Variants in CDH12 observed in about 807,000 individuals in gnomAD.
CDH12 encodes cadherin 12.
In CDH12, 41 loss-of-function variants were observed where a neutral mutation model predicts 74.1. That is an observed-to-expected ratio of 0.55 (90% CI 0.43 to 0.72). The LOEUF (loss-of-function observed/expected upper bound fraction) is 0.72, where lower values mean the gene tolerates loss of function less well. Among genes scored for constraint, CDH12 ranks in the 30% least tolerant of loss-of-function variants. The pLI is 0.00. For synonymous variants in CDH12, 399 were observed against 355.0 expected (o/e 1.12, Z -1.39); for missense variants, 945 against 977.2 (o/e 0.97, Z 0.44).
intron 6 of CDH12, among the ~76,000 whole-genome samples, chr5:21,932,686 G>A (rs1227412639): frequency 6.6e-6 from 1 of 151,844 alleles, no homozygotes; most frequent in Non-Finnish European, 1.5e-5. Context: ...GGACCATGAG[G>A]TTAAGAGATC....
intron 4 of CDH12, among the ~76,000 whole-genome samples, chr5:22,113,822 T>C (rs757426328): frequency 4.6e-5 from 7 of 152,224 alleles, no homozygotes; most frequent in Non-Finnish European, 8.8e-5. Flanking sequence ...CTTTGCTTTA[T>C]TATAATCTCC....
At chr5:21,926,231 T>C (rs778493937) in intron 6 of CDH12, among the ~76,000 whole-genome samples, 1 of 152,174 alleles carries the variant, frequency 6.6e-6, no homozygotes, top group African/African-American at 2.4e-5. Flanking sequence ...TGGGATAGTG[T>C]TGCAGTGCCC....
Position 21,783,487 on chromosome 5 carries a change from T to G in CDH12, c.1264A>C (p.Ile422Leu), listed in dbSNP as rs749674374. Residue 422 changes from isoleucine to leucine, a missense_variant, in exon 11 of 15, where the codon ATA (isoleucine) becomes CTA (leucine). Coordinates refer to ENST00000382254, the MANE Select transcript of CDH12 (RefSeq NM_004061.5). ...CTGTCCCCATCACTCTTCCAATCTA[T>G]GAAGTACCTGTATATGAAAAGAGTA... The part of the protein sequence containing the change: ...DVGSSAVRYF[I>L]DWKSDGDSYF... The G allele has an allele frequency of 1.1e-5, 17 of 1,605,230 alleles. No homozygotes were observed. In the South Asian group the frequency reaches 1.8e-4, roughly 17 times the overall value.
At chr5:21,837,216 A>T (rs889418936) in intron 8 of CDH12, among the ~76,000 whole-genome samples, 2 of 152,070 alleles carry the variant, frequency 1.3e-5, no homozygotes, top group African/African-American at 4.8e-5. Flanking sequence ...GATCCTCATC[A>T]CATCATCATA....
At chr5:22,396,505 G>A (rs1228485891) in intron 3 of CDH12, among the ~76,000 whole-genome samples, 2 of 152,154 alleles carry the variant, frequency 1.3e-5, no homozygotes, top group African/African-American at 4.8e-5. Flanking sequence ...GGTTTAGGGA[G>A]TAGATTCTGG....
At chr5:22,456,206 T>G (rs1381615954) in intron 2 of CDH12, among the ~76,000 whole-genome samples, 2 of 150,684 alleles carry the variant, frequency 1.3e-5, no homozygotes, top group African/African-American at 4.9e-5. Context: ...TTTTGAGTAT[T>G]CATTACAATG....
intron 9 of CDH12, among the ~76,000 whole-genome samples, chr5:21,810,077 C>T (rs1269849714): frequency 6.6e-6 from 1 of 152,014 alleles, no homozygotes; most frequent in African/African-American, 2.4e-5. Context: ...AATGATTTTG[C>T]TGTACTTGGA....
At chr5:21,766,347 C>T (rs929799654) in intron 11 of CDH12, among the ~76,000 whole-genome samples, 18 of 151,814 alleles carry the variant, frequency 1.2e-4, no homozygotes, top group East Asian at 3.9e-4. Flanking sequence ...TAATACCAGG[C>T]GTGCTTATAA....
chr5:22,032,945 T>C (rs918805087), intron 5 of CDH12, among the ~76,000 whole-genome samples: 3 of 150,116 alleles, frequency 2.0e-5, no homozygotes, highest in African/African-American at 7.4e-5. Flanking sequence ...GAGAACAGAC[T>C]GTAAGATGGG....
intron 1 of CDH12, among the ~76,000 whole-genome samples, chr5:22,553,038 A>G (rs1478266283): frequency 6.6e-6 from 1 of 152,142 alleles, no homozygotes; most frequent in Non-Finnish European, 1.5e-5. Flanking sequence ...GTTTCCAATA[A>G]ATGCCTACAA....
Position 22,570,033 on chromosome 5 carries a change from C to T in CDH12, c.-522-64669G>A, listed in dbSNP as rs111831272. On this transcript the variant is annotated intron_variant, in intron 1 of 14. Transcript: ENST00000382254. ...AGGTATAATCTTATGAAATGTATTT[C>T]GTTTTATTTATTTATTTATTTATTT... Among the ~76,000 whole-genome samples the T allele has an allele frequency of 8.1e-5, 12 of 147,776 alleles. No individual in the cohort carries two copies. In the East Asian group the frequency reaches 1.4e-3, roughly 18 times the overall value.
chr5:22,738,136 TAC>T (rs1319740104), intron 1 of CDH12, among the ~76,000 whole-genome samples: 1 of 151,946 alleles, frequency 6.6e-6, no homozygotes, highest in Non-Finnish European at 1.5e-5. Context: ...TGGAGAATGC[TAC>T]AGAGGGGCCA....
At chr5:22,639,826 A>G (rs1206799197) in intron 1 of CDH12, among the ~76,000 whole-genome samples, 3 of 152,136 alleles carry the variant, frequency 2.0e-5, no homozygotes, top group African/African-American at 7.2e-5. Context: ...ATACAGTTGA[A>G]TCAGAAATTC....
At chr5:22,406,531 T>C (rs1742947393) in intron 2 of CDH12, among the ~76,000 whole-genome samples, 1 of 152,136 alleles carries the variant, frequency 6.6e-6, no homozygotes, top group Non-Finnish European at 1.5e-5. Flanking sequence ...AAAATATGAC[T>C]CTTTCCACCA....
chr5:22,281,034 T>G (rs1352679162), intron 3 of CDH12, among the ~76,000 whole-genome samples: 1 of 152,188 alleles, frequency 6.6e-6, no homozygotes, highest in Non-Finnish European at 1.5e-5. Context: ...TATGATCAAG[T>G]GGGCTTCATC....
intron 2 of CDH12, among the ~76,000 whole-genome samples, chr5:22,498,300 A>G (rs1482076533): frequency 6.6e-6 from 1 of 152,000 alleles, no homozygotes; most frequent in Non-Finnish European, 1.5e-5. Context: ...TATATAATTT[A>G]ATAACTTGTT....
intron 3 of CDH12, among the ~76,000 whole-genome samples, chr5:22,364,306 CAA>C (rs36011982): frequency 0.36 from 54,884 of 151,814 alleles, 11,288 homozygotes; most frequent in Admixed American, 0.48. Context: ...GAAGAAAAGA[CAA>C]TGCTTTCATG....
intron 2 of CDH12, among the ~76,000 whole-genome samples, chr5:22,437,086 TTCA>T (rs1337487150): frequency 2.6e-5 from 4 of 152,098 alleles, no homozygotes; most frequent in African/African-American, 9.7e-5. Context: ...AGAACAATTG[TTCA>T]TCATTAAATA....
chr5:22,309,733 T>C (rs1738297176), intron 3 of CDH12, among the ~76,000 whole-genome samples: 1 of 152,112 alleles, frequency 6.6e-6, no homozygotes, highest in Non-Finnish European at 1.5e-5. Flanking sequence ...GAGTTTATTA[T>C]ATTTTAAGGT....
Sources: gnomAD v4.1 joint callset for allele counts (sites outside exome capture counted in the v4.1 genomes callset) on GRCh38, gnomAD v4.1.1 for gene constraint, MANE v1.5 for transcripts, NCBI Gene and HGNC (gene_info 2026-07-23, HGNC 2026-07-21) for gene names.